ZC3HAV1: variants seen among roughly 807,000 people sequenced by gnomAD.
ZC3HAV1 encodes the protein zinc finger CCCH-type containing, antiviral 1, also known as zinc finger CCCH-type antiviral protein 1.
A neutral mutation model predicts 86.6 loss-of-function variants in ZC3HAV1; 41 were observed. The observed-to-expected ratio is 0.47, with a 90% CI of 0.37 to 0.61. ZC3HAV1 has a LOEUF of 0.61. ZC3HAV1 is among the 20% of genes least tolerant of loss of function. ZC3HAV1 has a pLI of 0.00. For missense variants in ZC3HAV1, 964 were observed against 1,141.1 expected, an observed-to-expected ratio of 0.84 and a Z score of 2.24; for synonymous variants, 421 against 432.1, an observed-to-expected ratio of 0.97 and a Z score of 0.32.
At chr7:139,055,385 T>C in intron 9 of ZC3HAV1, 90 bp from the exon 10 acceptor site, 1 of 1,064,056 alleles carries the variant, frequency 9.4e-7, no homozygotes, top group Non-Finnish European at 1.4e-6. Context: ...AGGCCAAGGA[T>C]GCCTAGAGAA....
intron 1 of ZC3HAV1, among the ~76,000 whole-genome samples, chr7:139,096,007 GT>G (rs11365533): frequency 0.25 from 38,106 of 151,288 alleles, 5,059 homozygotes; most frequent in East Asian, 0.42. Flanking sequence ...CTGCTACAAT[GT>G]TTTTTTTTGT....
intron 2 of ZC3HAV1, 38 bp from the exon 3 acceptor site, chr7:139,084,070 C>T: frequency 1.9e-6 from 3 of 1,596,444 alleles, no homozygotes; most frequent in East Asian, 2.2e-5. Flanking sequence ...GTCAAAACAC[C>T]TTCTTGTATT....
intron 1 of ZC3HAV1, among the ~76,000 whole-genome samples, chr7:139,094,472 C>A (rs555305859): frequency 1.4e-5 from 2 of 142,586 alleles, no homozygotes; most frequent in Admixed American, 7.2e-5. Flanking sequence ...ACAAAGAGGG[C>A]GAGTTGCAGT....
intron 9 of ZC3HAV1, among the ~76,000 whole-genome samples, chr7:139,055,547 G>A (rs910179336): frequency 3.9e-5 from 6 of 152,194 alleles, no homozygotes; most frequent in African/African-American, 1.4e-4. Context: ...AAATGTAAAA[G>A]TATTGACTCT....
chr7:139,096,722 C>T (rs535743434), intron 1 of ZC3HAV1, among the ~76,000 whole-genome samples: 73 of 152,294 alleles, frequency 4.8e-4, no homozygotes, highest in Middle Eastern at 3.4e-3. Context: ...CCCTCAAACT[C>T]GAAAGCCACA....
intron 1 of ZC3HAV1, among the ~76,000 whole-genome samples, chr7:139,097,419 TATATA>T (rs1817627628): frequency 1.2e-5 from 1 of 83,168 alleles, no homozygotes; most frequent in African/African-American, 6.0e-5. Flanking sequence ...TATATATATA[TATATA>T]TATATTTTTT....
chr7:139,091,975 C>G (rs1402393597), intron 1 of ZC3HAV1, among the ~76,000 whole-genome samples: 1 of 152,102 alleles, frequency 6.6e-6, no homozygotes, highest in African/African-American at 2.4e-5. Context: ...TCTCCCCGCC[C>G]CCGAAGAAGG....
At chr7:139,050,260 C>T (rs980173674) in intron 12 of ZC3HAV1, among the ~76,000 whole-genome samples, 1 of 152,024 alleles carries the variant, frequency 6.6e-6, no homozygotes, top group African/African-American at 2.4e-5. Flanking sequence ...TTTGTTGCAT[C>T]AGTTTTTTTA....
chr7:139,088,631 C>G (rs928944833), intron 2 of ZC3HAV1, among the ~76,000 whole-genome samples: 1 of 152,126 alleles, frequency 6.6e-6, no homozygotes, highest in African/African-American at 2.4e-5. Context: ...CTCAGGCTAC[C>G]CCCCTGTCCA....
chr7:139,088,845 G>A (rs1004683481), intron 2 of ZC3HAV1, among the ~76,000 whole-genome samples: 6 of 152,184 alleles, frequency 3.9e-5, no homozygotes, highest in African/African-American at 1.2e-4. Flanking sequence ...GCTCACACCT[G>A]TAATCCCAGA....
intron 1 of ZC3HAV1, among the ~76,000 whole-genome samples, chr7:139,102,043 T>C (rs1817789623): frequency 6.6e-6 from 1 of 151,256 alleles, no homozygotes; most frequent in South Asian, 2.1e-4. Flanking sequence ...ACTAGATCTC[T>C]AGGGAAACTC....
At chr7:139,090,473 T>TA (rs1447847362) in intron 1 of ZC3HAV1, among the ~76,000 whole-genome samples, 2 of 152,214 alleles carry the variant, frequency 1.3e-5, no homozygotes, top group African/African-American at 2.4e-5. Context: ...TAATTTCTAT[T>TA]AACTCCATAA....
chr7:139,107,172 A>G (rs1413434945), intron 1 of ZC3HAV1, among the ~76,000 whole-genome samples: 2 of 152,172 alleles, frequency 1.3e-5, no homozygotes, highest in Non-Finnish European at 2.9e-5. Flanking sequence ...TTCCTTTTCT[A>G]TCCTCCACCC....
chr7:139,108,001 C>T lies in ZC3HAV1; in HGVS notation c.308+1023G>A, dbSNP rs979927221. ...AGAATCCGCCAAGAAGGGAAAGAGACTTCACAAAAAGGACTTGGTGATGAC... is the reference window on the plus strand; with the variant it reads ...AGAATCCGCCAAGAAGGGAAAGAGATTTCACAAAAAGGACTTGGTGATGAC... On this transcript the variant is annotated intron_variant, in intron 1 of 12. Transcript: ENST00000242351. This position sits in a 1 kb window ranked among gnomAD's most constrained non-coding sequence, Gnocchi z 4.2. 1.3e-5 allele frequency among the ~76,000 whole-genome samples: 2 copies of T among 152,112 alleles called. No individual in the cohort carries two copies. Among genetic ancestry groups the T allele is most frequent in the African/African-American group, 2.4e-5 (1 of 41,424 alleles).
intron 1 of ZC3HAV1, among the ~76,000 whole-genome samples, chr7:139,091,237 T>C (rs1437215464): frequency 6.6e-6 from 1 of 152,130 alleles, no homozygotes; most frequent in Non-Finnish European, 1.5e-5. Flanking sequence ...CGGTGGCTCA[T>C]GCCTGTAATC....
chr7:139,053,309 CG>C, intron 12 of ZC3HAV1, 141 bp downstream of exon 12: 2 of 981,618 alleles, frequency 2.0e-6, no homozygotes, highest in Non-Finnish European at 2.8e-6. Context: ...TTGATATTAC[CG>C]TGAGCTTACT....
At chr7:139,056,632 C>T (rs891573833) in intron 9 of ZC3HAV1, among the ~76,000 whole-genome samples, 1 of 152,062 alleles carries the variant, frequency 6.6e-6, no homozygotes, top group South Asian at 2.1e-4. Context: ...GTCTTAAACT[C>T]CTGGGCTCAA....
At chr7:139,089,906 TA>T in intron 1 of ZC3HAV1, 147 bp from the exon 2 acceptor site, 1 of 763,510 alleles carries the variant, frequency 1.3e-6, no homozygotes, top group Non-Finnish European at 1.9e-6. Flanking sequence ...GAATACACTA[TA>T]TTTATTTATT....
At chr7:139,107,136 A>G (rs545673412) in intron 1 of ZC3HAV1, among the ~76,000 whole-genome samples, 1 of 152,358 alleles carries the variant, frequency 6.6e-6, no homozygotes, top group East Asian at 1.9e-4. Context: ...TATTTGGTGT[A>G]GTGCTAGAAC....
Sources: gnomAD v4.1 joint callset for allele counts (sites outside exome capture counted in the v4.1 genomes callset) on GRCh38, gnomAD v4.1.1 for gene constraint, Gnocchi (gnomAD v3.1) non-coding constraint, MANE v1.5 for transcripts, NCBI Gene and HGNC (gene_info 2026-07-23, HGNC 2026-07-21) for gene names.